Variants in OPRM1 observed in about 807,000 individuals in gnomAD.
OPRM1 encodes mu-type opioid receptor.
A neutral mutation model predicts 31.8 loss-of-function variants in OPRM1; 27 were observed. That is an observed-to-expected ratio of 0.85 (90% CI 0.63 to 1.17). OPRM1 has a LOEUF of 1.17. Among genes scored for constraint, OPRM1 ranks in the 50% most tolerant of loss-of-function variants. The pLI, the probability that OPRM1 is intolerant of heterozygous loss-of-function variation, is 0.00. For synonymous variants in OPRM1, 196 were observed against 189.9 expected (o/e 1.03, Z -0.26); for missense variants, 536 against 511.1 (o/e 1.05, Z -0.47).
intron 3 of OPRM1, among the ~76,000 whole-genome samples, chr6:154,230,969 A>G (rs1258110369): frequency 1.3e-5 from 2 of 152,226 alleles, no homozygotes; most frequent in African/African-American, 2.4e-5. Context: ...AGCAAATTTA[A>G]TGAGGTTACC....
intron 3 of OPRM1, among the ~76,000 whole-genome samples, chr6:154,204,920 C>T (rs932760997): frequency 2.6e-5 from 4 of 152,200 alleles, no homozygotes; most frequent in Non-Finnish European, 5.9e-5. Flanking sequence ...CCCTCCTTCT[C>T]CACTCCTTTC....
At chr6:154,020,017 A>C (rs980533581) in intron 1 of OPRM1, among the ~76,000 whole-genome samples, 8 of 151,990 alleles carry the variant, frequency 5.3e-5, no homozygotes, top group African/African-American at 1.4e-4. Flanking sequence ...TATAGGTGTG[A>C]GCCACCGCAC....
At chr6:154,035,465 T>A (rs1779249650), upstream of OPRM1, among the ~76,000 whole-genome samples, 1 of 152,130 alleles carries the variant, frequency 6.6e-6, no homozygotes, top group Non-Finnish European at 1.5e-5. Context: ...ACATAGAAAA[T>A]ATCTATAAAC....
Position 154,039,565 on chromosome 6 carries a change from C to A in OPRM1, c.21C>A (p.Pro7=), listed in dbSNP as rs62436460. ...GTACCATGGACAGCAGCGCTGCCCC[C>A]ACGAACGCCAGCAATTGCACTGATG... The part of the protein sequence containing the change: MDSSAA[P]TNASNCTDAL... The change falls in exon 1 of 4, where the codon CCC becomes CCA. Residue 7 remains proline (P), a synonymous_variant. Transcript: ENST00000330432. 6.8e-6 allele frequency: 11 copies of A among 1,612,760 alleles called. No homozygotes were observed. Among genetic ancestry groups the A allele is most frequent in the South Asian group, 2.2e-5 (2 of 90,706 alleles).
intron 3 of OPRM1, among the ~76,000 whole-genome samples, chr6:154,196,859 T>C (rs1304541556): frequency 6.6e-6 from 1 of 152,212 alleles, no homozygotes; most frequent in Non-Finnish European, 1.5e-5. Flanking sequence ...TTTCAATAGC[T>C]TAACACTACA....
downstream of OPRM1, among the ~76,000 whole-genome samples, chr6:154,135,328 G>A (rs1026562861): frequency 6.6e-6 from 1 of 152,038 alleles, no homozygotes; most frequent in Non-Finnish European, 1.5e-5. Context: ...AATTAGCCAG[G>A]CATGGTGGCA....
intron 3 of OPRM1, among the ~76,000 whole-genome samples, chr6:154,204,079 G>A (rs1583789718): frequency 2.0e-5 from 3 of 152,264 alleles, no homozygotes; most frequent in South Asian, 4.1e-4. Flanking sequence ...ATATTTAAAT[G>A]AGGAAGTTAA....
At chr6:154,066,642 G>A (rs1004589447) in intron 1 of OPRM1, among the ~76,000 whole-genome samples, 5 of 151,976 alleles carry the variant, frequency 3.3e-5, no homozygotes, top group South Asian at 2.1e-4. Flanking sequence ...TGAGGTTAGT[G>A]CATTAATGGA....
chr6:154,067,720 G>C (rs2128447313), intron 1 of OPRM1, among the ~76,000 whole-genome samples: 1 of 151,980 alleles, frequency 6.6e-6, no homozygotes, highest in East Asian at 1.9e-4. Flanking sequence ...TATCTCATCT[G>C]ATTATTCTAT....
At chr6:154,217,497 T>C (rs1456647246) in intron 3 of OPRM1, 2 of 150,758 alleles carry the variant, frequency 1.3e-5, no homozygotes, top group Non-Finnish European at 2.9e-5. Context: ...CGAGCATCGA[T>C]TCAGCATAAA....
intron 3 of OPRM1, chr6:154,110,323 T>G: frequency 9.3e-7 from 1 of 1,076,614 alleles, no homozygotes. Context: ...AATTGGTACA[T>G]TGTTCTGTTT....
chr6:154,039,454 GC>G lies in OPRM1; in HGVS notation c.-90del. ...AGAAACAGCAGGAGCTGTGGCAGCGGCGAAAGGAAGCGGCTGAGGCGCTTGG... is the reference window on the plus strand; with the variant it reads ...AGAAACAGCAGGAGCTGTGGCAGCGGGAAAGGAAGCGGCTGAGGCGCTTGG... On this transcript the variant is annotated 5_prime_UTR_variant, in exon 1 of 4. Transcript: ENST00000330432. The G allele has an allele frequency of 6.4e-7, 1 of 1,552,404 alleles. No homozygotes were observed. The highest frequency in any genetic ancestry group is 1.2e-5 in the South Asian group (1 of 84,112).
chr6:154,055,000 A>C (rs1033202688), intron 1 of OPRM1, among the ~76,000 whole-genome samples: 2 of 152,252 alleles, frequency 1.3e-5, no homozygotes, highest in Non-Finnish European at 2.9e-5. Context: ...AAACCTTAAT[A>C]AAGGAAAAAT....
chr6:154,103,707 C>T (rs1795193448), intron 3 of OPRM1, among the ~76,000 whole-genome samples: 1 of 152,108 alleles, frequency 6.6e-6, no homozygotes, highest in African/African-American at 2.4e-5. Flanking sequence ...ATTATTCATG[C>T]CTCCCCTTTT....
At chr6:154,197,274 T>C (rs1394248612) in intron 3 of OPRM1, among the ~76,000 whole-genome samples, 1 of 151,862 alleles carries the variant, frequency 6.6e-6, no homozygotes, top group African/African-American at 2.4e-5. Flanking sequence ...TAAACACACA[T>C]GTAAAAAAAA....
In OPRM1 at chr6:154,131,495, G is replaced by C. The variant is rs1234764645; in HGVS notation, c.*12774G>C. On this transcript the variant is annotated 3_prime_UTR_variant, in exon 4 of 4. Transcript: ENST00000330432. ...AAGGGCAGAATTAATTCGTTTCCTT[G>C]ACAGTGTTGGGGGTGAAATAAAAGA... Among the ~76,000 whole-genome samples the C allele has an allele frequency of 6.6e-6, 1 of 152,146 alleles. No individual in the cohort carries two copies. Among genetic ancestry groups the C allele is most frequent in the Non-Finnish European group, 1.5e-5 (1 of 68,018 alleles).
intron 3 of OPRM1, among the ~76,000 whole-genome samples, chr6:154,190,632 T>C (rs1430906542): frequency 6.6e-6 from 1 of 152,190 alleles, no homozygotes; most frequent in Admixed American, 6.5e-5. Flanking sequence ...ACTCTTACCA[T>C]ACAATCCAGC....
intron 3 of OPRM1, among the ~76,000 whole-genome samples, chr6:154,204,973 G>A (rs904905442): frequency 2.0e-5 from 3 of 151,898 alleles, no homozygotes; most frequent in African/African-American, 7.3e-5. Flanking sequence ...CACATCTCTG[G>A]TCCCTTCTGC....
rs1404623095 is a variant in OPRM1, at chr6:154,118,715, G to A, written c.1197G>A (p.Leu399=). Residue 399 remains leucine (L), a synonymous_variant, in exon 4 of 4, where the codon TTG becomes TTA. Transcript: ENST00000330432. ...ATCTGGAAGCAGAAACTGCTCCGTTGCCCTAACAGGGTCTCATGCCATTCC... is the reference window on the plus strand; with the variant it reads ...ATCTGGAAGCAGAAACTGCTCCGTTACCCTAACAGGGTCTCATGCCATTCC... ...LENLEAETAP[L]P is the part of the protein sequence containing the mutation. The A allele has an allele frequency of 1.9e-6, 3 of 1,613,176 alleles. No homozygotes were observed. The highest frequency in any genetic ancestry group is 2.5e-6 in the Non-Finnish European group (3 of 1,179,530).
Sources: gnomAD v4.1 joint callset for allele counts (sites outside exome capture counted in the v4.1 genomes callset) on GRCh38, gnomAD v4.1.1 for gene constraint, MANE v1.5 for transcripts, NCBI Gene and HGNC (gene_info 2026-07-23, HGNC 2026-07-21) for gene names.